Variants in CDC42EP4 observed in about 807,000 individuals in gnomAD.
The protein encoded by CDC42EP4 is CDC42 effector protein (Rho GTPase binding) 4.
Under a neutral mutation model 5.6 loss-of-function variants are expected in CDC42EP4, and 6 were observed. The observed-to-expected ratio is 1.07, with a 90% confidence interval of 0.59 to 2.12. The LOEUF (loss-of-function observed/expected upper bound fraction) is 2.12, where lower values mean the gene tolerates loss of function less well. Ranked by LOEUF, CDC42EP4 falls within the 30% of genes most tolerant of loss-of-function variation. The pLI, the probability that CDC42EP4 is intolerant of heterozygous loss-of-function variation, is 0.00. For synonymous variants in CDC42EP4, 230 were observed against 224.2 expected (o/e 1.03, Z -0.23); for missense variants, 490 against 508.6 (o/e 0.96, Z 0.35).
At chr17:73,296,798 T>C (rs1046244054) in intron 1 of CDC42EP4, among the ~76,000 whole-genome samples, 2 of 149,540 alleles carry the variant, frequency 1.3e-5, no homozygotes, top group Non-Finnish European at 3.0e-5. Flanking sequence ...CTGGCTAACA[T>C]GGTGAAACCC....
intron 1 of CDC42EP4, among the ~76,000 whole-genome samples, chr17:73,293,049 C>T (rs1284158424): frequency 6.6e-6 from 1 of 152,128 alleles, no homozygotes; most frequent in South Asian, 2.1e-4. Context: ...GGTTTCACCA[C>T]GTCGGCCAGG....
chr17:73,288,633 C>T (rs895087391), intron 1 of CDC42EP4, among the ~76,000 whole-genome samples: 10 of 151,924 alleles, frequency 6.6e-5, no homozygotes, highest in Non-Finnish European at 7.4e-5. Context: ...ACACATGGTC[C>T]GCCTCCAACC....
chr17:73,283,742 A>G lies in CDC42EP4; in HGVS notation c.*1688T>C, dbSNP rs1174700089. On this transcript the variant is annotated 3_prime_UTR_variant, in exon 2 of 2. Coordinates refer to ENST00000335793, the MANE Select transcript of CDC42EP4 (RefSeq NM_012121.5). ...CGAGGGCAGCTGGCGGGGGCTGCAT[A>G]GCCCCTGAGGTTCCTCCCCCACCAT... 5 of 152,290 alleles carry G rather than the reference A, an allele frequency of 3.3e-5. No individual in the cohort carries two copies. The highest frequency in any genetic ancestry group is 1.2e-4 in the African/African-American group (5 of 41,452). The allele number at this position is 152,290 out of a possible 1,614,324, so 9.4% of individuals were successfully genotyped here. A position where few individuals can be genotyped will look rare whatever the true frequency, so the allele number is the denominator to read the frequency against.
At chr17:73,290,987 A>G (rs1280987033) in intron 1 of CDC42EP4, among the ~76,000 whole-genome samples, 2 of 152,160 alleles carry the variant, frequency 1.3e-5, no homozygotes, top group Admixed American at 6.5e-5. Context: ...AGCTCCCCGC[A>G]TCCCATTAGC....
At chr17:73,310,771 A>ACACACACACACACACACACACACGCACT (rs1568347690) in intron 1 of CDC42EP4, 3 of 152,280 alleles carry the variant, frequency 2.0e-5, no homozygotes, top group Admixed American at 6.9e-5. Context: ...ACACACACAC[A>ACACACACACACACACACACACACGCACT]CACACACACA....
intron 1 of CDC42EP4, among the ~76,000 whole-genome samples, chr17:73,290,009 G>C (rs1007706857): frequency 2.0e-5 from 3 of 152,136 alleles, no homozygotes; most frequent in Admixed American, 1.3e-4. Flanking sequence ...CTCGTTCCTG[G>C]CAAATCCTTC....
intron 1 of CDC42EP4, among the ~76,000 whole-genome samples, chr17:73,299,371 A>G (rs1210036705): frequency 2.0e-5 from 2 of 98,862 alleles, no homozygotes; most frequent in African/African-American, 4.2e-5. Context: ...CGGAGCTTGC[A>G]GTGAGCCGAG....
intron 1 of CDC42EP4, among the ~76,000 whole-genome samples, chr17:73,287,982 TC>T (rs1182906049): frequency 6.6e-6 from 1 of 152,070 alleles, no homozygotes; most frequent in East Asian, 1.9e-4. Flanking sequence ...CAATGACTAG[TC>T]CCCACCTCGC....
intron 1 of CDC42EP4, among the ~76,000 whole-genome samples, chr17:73,288,585 A>T (rs12185274): frequency 6.6e-6 from 1 of 151,406 alleles, no homozygotes; most frequent in African/African-American, 2.4e-5. Flanking sequence ...GGGTTTTAAC[A>T]GGTCTGTTTA....
At chr17:73,306,883 C>T (rs1338722319) in intron 1 of CDC42EP4, 4 of 152,270 alleles carry the variant, frequency 2.6e-5, no homozygotes, top group African/African-American at 9.7e-5. Flanking sequence ...AGACCAAGTT[C>T]AGTGACTGCC....
intron 1 of CDC42EP4, chr17:73,310,102 G>C (rs1234883925): frequency 6.6e-6 from 1 of 152,138 alleles, no homozygotes; most frequent in East Asian, 1.9e-4. Flanking sequence ...GGGCTGCCAG[G>C]GGCTCTCTTA....
At chr17:73,297,521 A>G (rs1175224283) in intron 1 of CDC42EP4, among the ~76,000 whole-genome samples, 1 of 152,146 alleles carries the variant, frequency 6.6e-6, no homozygotes, top group Non-Finnish European at 1.5e-5. Context: ...CAGGCAGAAC[A>G]TATACTTGTT....
At chr17:73,290,650 A>G (rs1368627045) in intron 1 of CDC42EP4, among the ~76,000 whole-genome samples, 1 of 152,212 alleles carries the variant, frequency 6.6e-6, no homozygotes, top group Non-Finnish European at 1.5e-5. Flanking sequence ...GAGTGAGAAC[A>G]CACAGGTGAA....
At position 73,285,924 on chromosome 17, in the gene CDC42EP4, C is replaced by T. The variant is rs1378639523; in HGVS notation, c.577G>A (p.Val193Met). Residue 193 changes from valine to methionine, a missense_variant, in exon 2 of 2, where the codon GTG (valine) becomes ATG (methionine). Physicochemically the swap from Val to Met is conservative, Grantham distance 21. Transcript: ENST00000335793. The surrounding 1 kb of genome is among the most constrained non-coding windows in gnomAD (Gnocchi z 6.8). ...AFGDLTDLPV[V>M]PKATYGLKHA... Reference sequence around the variant, plus strand: ...TTCAGCCCGTACGTGGCCTTGGGCACGACAGGCAGATCTGTCAGATCCCCA... The same window carrying T: ...TTCAGCCCGTACGTGGCCTTGGGCATGACAGGCAGATCTGTCAGATCCCCA... 17 of 1,613,774 alleles carry T rather than the reference C, an allele frequency of 1.1e-5. No homozygotes were observed. The highest frequency in any genetic ancestry group is 3.3e-5 in the Admixed American group (2 of 60,008).
rs1322057208 is a variant in CDC42EP4, at chr17:73,286,292, G to A, written c.209C>T (p.Ser70Phe). 1.2e-6 allele frequency: 2 copies of A among 1,614,114 alleles called. No individual in the cohort carries two copies. The highest frequency in any genetic ancestry group is 8.5e-7 in the Non-Finnish European group (1 of 1,180,046). Residue 70 changes from serine to phenylalanine, a missense_variant, in exon 2 of 2, where the codon TCT becomes TTT. Ser to Phe is a radical substitution (Grantham distance 155). Transcript: ENST00000335793. The surrounding 1 kb of genome is among the most constrained non-coding windows in gnomAD (Gnocchi z 7.7). ...PDGESLDEQP[S>F]SSSSKRSLLS... ...GAGACTGCGTTTGGAAGATGAAGAA[G>A]AGGGCTGTTCGTCCAAGGACTCGCC...
intron 1 of CDC42EP4, among the ~76,000 whole-genome samples, chr17:73,300,186 C>T (rs886502069): frequency 6.6e-6 from 1 of 152,198 alleles, no homozygotes; most frequent in Non-Finnish European, 1.5e-5. Flanking sequence ...ACTGCACAGC[C>T]ACCCTGGGGC....
intron 1 of CDC42EP4, among the ~76,000 whole-genome samples, chr17:73,292,781 C>T (rs186643821): frequency 2.0e-5 from 3 of 152,354 alleles, no homozygotes; most frequent in East Asian, 3.9e-4. Flanking sequence ...AAAATCCATG[C>T]AGCCAGGGCC....
At chr17:73,294,573 C>T (rs901460686) in intron 1 of CDC42EP4, among the ~76,000 whole-genome samples, 4 of 152,140 alleles carry the variant, frequency 2.6e-5, no homozygotes, top group African/African-American at 9.7e-5. Flanking sequence ...GCTCCATTCA[C>T]TTAAACAGCA....
In CDC42EP4 at chr17:73,286,072, GGGGCTGGATGACAGGCTCTT is replaced by G; in HGVS notation, c.409_428del (p.Lys137ArgfsTer6). 6.2e-7 allele frequency: 1 copy of G among 1,613,974 alleles called. No homozygotes were observed. Among genetic ancestry groups the G allele is most frequent in the Non-Finnish European group, 8.5e-7 (1 of 1,180,028 alleles). On this transcript the variant is annotated frameshift_variant, in exon 2 of 2. Transcript: ENST00000335793. LOFTEE classifies it low-confidence loss of function (END_TRUNC). This position sits in a 1 kb window ranked among gnomAD's most constrained non-coding sequence, Gnocchi z 7.7. ...CCTCCCCGTCATTGGCCTTCTTCAC[GGGGCTGGATGACAGGCTCTT>G]GGGCAGCTTACTGGTGCCCTTCTCC...
Sources: allele counts gnomAD v4.1 joint callset (sites outside exome capture counted in the v4.1 genomes callset), GRCh38; gene constraint gnomAD v4.1.1; non-coding constraint Gnocchi (gnomAD v3.1); transcripts MANE v1.5; gene names NCBI Gene and HGNC (gene_info 2026-07-23, HGNC 2026-07-21).